The following CSGALNACT1 variants were observed in gnomAD, a reference collection of about 807,000 sequenced individuals.
CSGALNACT1 encodes beta4GalNAcT-1.
A neutral mutation model predicts 51.0 loss-of-function variants in CSGALNACT1; 52 were observed. The observed-to-expected ratio is 1.02, with a 90% CI of 0.82 to 1.29. CSGALNACT1 has a LOEUF of 1.29. Ranked by LOEUF, CSGALNACT1 falls within the 50% of genes most tolerant of loss-of-function variation. CSGALNACT1 has a pLI of 0.00. For missense variants in CSGALNACT1, 935 were observed against 679.2 expected (o/e 1.38, Z -4.19); for synonymous variants, 341 against 254.4 (o/e 1.34, Z -3.24).
At chr8:19,612,237 G>T (rs183536926) in intron 1 of CSGALNACT1, among the ~76,000 whole-genome samples, 2 of 152,144 alleles carry the variant, frequency 1.3e-5, no homozygotes, top group African/African-American at 4.8e-5. Context: ...TAGCTACTCA[G>T]GTGCCTGAGG....
chr8:19,473,239 G>C (rs1166862880), intron 4 of CSGALNACT1, among the ~76,000 whole-genome samples: 3 of 152,182 alleles, frequency 2.0e-5, no homozygotes, highest in Admixed American at 1.3e-4. Context: ...GTTTTAGCAA[G>C]ATTGCTAGAG....
At chr8:19,591,644 G>C (rs1256165490) in intron 2 of CSGALNACT1, among the ~76,000 whole-genome samples, 1 of 152,104 alleles carries the variant, frequency 6.6e-6, no homozygotes, top group Non-Finnish European at 1.5e-5. Flanking sequence ...AAGCATTTAG[G>C]CTGTGTGGAG....
chr8:19,555,653 T>C (rs2089530817), intron 3 of CSGALNACT1, among the ~76,000 whole-genome samples: 1 of 152,224 alleles, frequency 6.6e-6, no homozygotes, highest in South Asian at 2.1e-4. Flanking sequence ...ATGCTGTTTA[T>C]TGCTCCCAAC....
At chr8:19,425,810 A>G (rs2058686387) in intron 6 of CSGALNACT1, among the ~76,000 whole-genome samples, 2 of 152,082 alleles carry the variant, frequency 1.3e-5, no homozygotes, top group African/African-American at 4.8e-5. Context: ...GGGGCATCCT[A>G]TCTTCTCACT....
At chr8:19,422,420 C>A (rs536431034) in intron 6 of CSGALNACT1, among the ~76,000 whole-genome samples, 5 of 152,094 alleles carry the variant, frequency 3.3e-5, no homozygotes, top group African/African-American at 1.2e-4. Context: ...TGGCTTCATG[C>A]GGTACTACTG....
chr8:19,409,143 G>C (rs1233631693), intron 8 of CSGALNACT1, among the ~76,000 whole-genome samples: 1 of 152,196 alleles, frequency 6.6e-6, no homozygotes, highest in Non-Finnish European at 1.5e-5. Flanking sequence ...AAAAGGGATA[G>C]AGAACAACTC....
At chr8:19,683,410 T>C (rs1206789561), upstream of CSGALNACT1, among the ~76,000 whole-genome samples, 1 of 152,168 alleles carries the variant, frequency 6.6e-6, no homozygotes. Flanking sequence ...CAAAAAAAGC[T>C]CTGACAATTT....
At chr8:19,752,766 T>C (rs1163430323) in intron 1 of CSGALNACT1, among the ~76,000 whole-genome samples, 1 of 152,190 alleles carries the variant, frequency 6.6e-6, no homozygotes, top group Non-Finnish European at 1.5e-5. Flanking sequence ...AAACAAATTA[T>C]CAAATATGAC....
chr8:19,756,800 G>A (rs1019791762), intron 1 of CSGALNACT1, among the ~76,000 whole-genome samples: 8 of 152,132 alleles, frequency 5.3e-5, no homozygotes, highest in Non-Finnish European at 1.2e-4. Context: ...ACGTGGAAAG[G>A]CTACTTTTCA....
intron 1 of CSGALNACT1, among the ~76,000 whole-genome samples, chr8:19,640,762 G>A (rs565665306): frequency 3.3e-5 from 5 of 152,044 alleles, no homozygotes; most frequent in African/African-American, 4.8e-5. Flanking sequence ...ACCAAACTCT[G>A]CAGGCCCTTA....
chr8:19,447,195 C>T (rs1165703641), intron 5 of CSGALNACT1, among the ~76,000 whole-genome samples: 1 of 152,170 alleles, frequency 6.6e-6, no homozygotes, highest in African/African-American at 2.4e-5. Context: ...TCCTAAGCAC[C>T]TGCCTGGTAG....
chr8:19,481,224 G>T (rs1007042530), intron 4 of CSGALNACT1, among the ~76,000 whole-genome samples: 1 of 151,982 alleles, frequency 6.6e-6, no homozygotes, highest in African/African-American at 2.4e-5. Flanking sequence ...CTCATTTCCT[G>T]AATGCCTTGT....
rs1252529714 is a variant in CSGALNACT1 at position 19,700,111 on chromosome 8, CA to C, written c.-297+57738del. ...TGGGTAACAGAGTGAGACTCCGTCT[CA>C]AAAAAAAAAAAAAGAAAAAAAAAAA... On this transcript the variant is annotated intron_variant, in intron 1 of 1. Transcript: ENST00000517494. Among the ~76,000 whole-genome samples the C allele has an allele frequency of 2.0e-3, 116 of 58,308 alleles. 1 individual carries two copies. The highest frequency in any genetic ancestry group is 4.5e-3 in the East Asian group (8 of 1,768). 38.3% of individuals were successfully genotyped at this position (58,308 alleles called of 152,430 possible).
At chr8:19,706,221 T>C (rs2154226209) in intron 1 of CSGALNACT1, among the ~76,000 whole-genome samples, 1 of 152,290 alleles carries the variant, frequency 6.6e-6, no homozygotes, top group African/African-American at 2.4e-5. Context: ...TTAATTCATT[T>C]AGATTAGGGA....
At chr8:19,664,424 T>G (rs915825611) in intron 1 of CSGALNACT1, among the ~76,000 whole-genome samples, 4 of 152,172 alleles carry the variant, frequency 2.6e-5, no homozygotes, top group African/African-American at 9.7e-5. Flanking sequence ...GAAGACAGTA[T>G]GGAGACTTCT....
At position 19,406,084 on chromosome 8, in the gene CSGALNACT1, C is replaced by T. The variant is rs1371347433; in HGVS notation, c.1310-15G>A. On this transcript the variant is annotated splice_polypyrimidine_tract_variant and intron_variant, in intron 9 of 9. Coordinates refer to ENST00000454498, the Ensembl canonical transcript of CSGALNACT1. The stretch of plus-strand genomic sequence containing the variant: ...ATCAAACCCACCTGTCGGGACAGAA[C>T]ACACTGTTGAATCACACTGCACTGA... 3 of 1,613,902 alleles carry T rather than the reference C, an allele frequency of 1.9e-6. No individual in the cohort carries two copies. Among genetic ancestry groups the T allele is most frequent in the South Asian group, 1.1e-5 (1 of 91,070 alleles).
intron 1 of CSGALNACT1, among the ~76,000 whole-genome samples, chr8:19,690,960 C>T (rs1047768764): frequency 5.3e-5 from 8 of 152,166 alleles, no homozygotes; most frequent in Non-Finnish European, 1.2e-4. Context: ...GGCACTGTGG[C>T]TCATGTCTGT....
At chr8:19,455,885 T>G (rs539685104) in intron 5 of CSGALNACT1, among the ~76,000 whole-genome samples, 3 of 152,288 alleles carry the variant, frequency 2.0e-5, no homozygotes, top group African/African-American at 7.2e-5. Flanking sequence ...CCCCTGCACC[T>G]TGGTAGCATG....
intron 1 of CSGALNACT1, among the ~76,000 whole-genome samples, chr8:19,738,351 ACAGT>A (rs2064112531): frequency 6.6e-6 from 1 of 152,268 alleles, no homozygotes; most frequent in Non-Finnish European, 1.5e-5. Flanking sequence ...TGAAGACATT[ACAGT>A]AAGTGAAATA....
Sources: allele counts gnomAD v4.1 joint callset (sites outside exome capture counted in the v4.1 genomes callset), GRCh38; gene constraint gnomAD v4.1.1; transcripts MANE v1.5; gene names NCBI Gene and HGNC (gene_info 2026-07-23, HGNC 2026-07-21).